Variants in FAAH2 observed in about 807,000 individuals in gnomAD.
The protein encoded by FAAH2 is fatty-acid amide hydrolase 2.
Under a neutral mutation model 36.9 loss-of-function variants are expected in FAAH2, and 60 were observed. The ratio of observed to expected loss-of-function variants is 1.63; its 90% CI spans 1.32 to 2.02. The LOEUF (loss-of-function observed/expected upper bound fraction) is 2.02. Ranked by LOEUF, FAAH2 falls within the 30% of genes most tolerant of loss-of-function variation. FAAH2 has a pLI of 0.00. For missense variants in FAAH2, 689 were observed against 397.5 expected (o/e 1.73, Z -6.23); for synonymous variants, 214 against 143.8 (o/e 1.49, Z -3.49).
intron 7 of FAAH2, among the ~76,000 whole-genome samples, chrX:57,405,892 G>A (rs557909217): frequency 2.8e-5 from 3 of 105,927 alleles, no homozygotes; most frequent in African/African-American, 1.0e-4. Context: ...ACTTTCTCTT[G>A]AATCTAATTG....
Position 57,480,079 on chromosome X carries a change from G to C in FAAH2, c.1424-8678G>C, listed in dbSNP as rs1440254180. Among the ~76,000 whole-genome samples the C allele has an allele frequency of 2.7e-5, 3 of 111,358 alleles. No individual in the cohort carries two copies. The East Asian group carries it at 8.5e-4, about 31-fold the overall frequency. On this transcript the variant is annotated intron_variant, in intron 10 of 10. Coordinates refer to ENST00000374900, the MANE Select transcript of FAAH2 (RefSeq NM_174912.4). ...TAAACCAGGAAGAAGTTGACTCTCT[G>C]AATAGACCAATAACAGGCTCTGAAA...
intron 7 of FAAH2, chrX:57,392,582 G>A: frequency 1.2e-6 from 1 of 812,480 alleles, no homozygotes; most frequent in East Asian, 3.2e-5. Context: ...ACTCCCAGTG[G>A]GCCTGAATAG....
At chrX:57,292,696 C>T in intron 2 of FAAH2, 116 bp downstream of exon 2, 1 of 543,329 alleles carries the variant, frequency 1.8e-6, no homozygotes, top group Non-Finnish European at 2.8e-6. Context: ...TTCCCTTGTT[C>T]TCACTGGGAA....
At chrX:57,440,435 T>A (rs1420650626) in intron 8 of FAAH2, among the ~76,000 whole-genome samples, 2 of 111,303 alleles carry the variant, frequency 1.8e-5, no homozygotes, top group Admixed American at 9.6e-5. Context: ...TGCTTGTGAT[T>A]TTTGCGCATT....
chrX:57,288,646 G>A (rs962865750), intron 1 of FAAH2, among the ~76,000 whole-genome samples: 19 of 110,242 alleles, frequency 1.7e-4, no homozygotes, highest in African/African-American at 6.3e-4. Flanking sequence ...CACTGCGCCC[G>A]GCCTTAAAAG....
At chrX:57,434,023 A>C (rs1245886563) in intron 8 of FAAH2, among the ~76,000 whole-genome samples, 5 of 111,743 alleles carry the variant, frequency 4.5e-5, no homozygotes, top group Non-Finnish European at 7.5e-5. Context: ...GAAATCTTCA[A>C]AATGCCAGAT....
chrX:57,427,005 C>G (rs2056178313), intron 7 of FAAH2, among the ~76,000 whole-genome samples: 1 of 110,224 alleles, frequency 9.1e-6, no homozygotes, highest in African/African-American at 3.3e-5. Context: ...CTAGAATAAC[C>G]ATGAGAAGAA....
chrX:57,272,758 C>T, the FAAH2 span, among the ~76,000 whole-genome samples: 2 of 112,103 alleles, frequency 1.8e-5, no homozygotes. Context: ...GAAGTGAGCA[C>T]TAAACATGGA....
At chrX:57,181,038 A>C in the FAAH2 span, among the ~76,000 whole-genome samples, 2 of 111,953 alleles carry the variant, frequency 1.8e-5, no homozygotes, top group Non-Finnish European at 3.8e-5. Flanking sequence ...CCAGATAATC[A>C]TCTCAATAGA....
chrX:57,353,971 G>A (rs1389003536), intron 5 of FAAH2, among the ~76,000 whole-genome samples: 1 of 110,554 alleles, frequency 9.0e-6, no homozygotes, highest in African/African-American at 3.3e-5. Flanking sequence ...AGGATTTGGA[G>A]ACAAGGAAAT....
intron 10 of FAAH2, among the ~76,000 whole-genome samples, chrX:57,460,113 G>T (rs2056931995): frequency 9.0e-6 from 1 of 111,262 alleles, no homozygotes; most frequent in African/African-American, 3.3e-5. Flanking sequence ...AGAGAAAAAA[G>T]AATGAAAAGG....
chrX:57,306,484 C>T (rs73515100), intron 2 of FAAH2, among the ~76,000 whole-genome samples: 233 of 109,919 alleles, frequency 2.1e-3, no homozygotes, highest in African/African-American at 7.4e-3. Flanking sequence ...GACATTTGAA[C>T]AACTAGACCC....
intron 7 of FAAH2, chrX:57,394,244 A>T: frequency 1.3e-6 from 1 of 741,140 alleles, no homozygotes; most frequent in Non-Finnish European, 2.1e-6. Flanking sequence ...GTTCTGGTAA[A>T]GATGGGCAAG....
chrX:57,346,059 G>T lies in FAAH2; in HGVS notation c.742+4669G>T, dbSNP rs765887938. 6.3e-5 allele frequency among the ~76,000 whole-genome samples: 7 copies of T among 111,219 alleles called. No individual in the cohort carries two copies. The South Asian group carries it at 2.6e-3, about 42-fold the overall frequency. On this transcript the variant is annotated intron_variant, in intron 5 of 10. Transcript: ENST00000374900. ...ATGACCAAACTTGTGGTCAATCTTA[G>T]AATACATTCCTTGTGCAGATGAGAG...
chrX:57,233,593 A>T, the FAAH2 span, among the ~76,000 whole-genome samples: 1 of 111,359 alleles, frequency 9.0e-6, no homozygotes, highest in Non-Finnish European at 1.9e-5. Context: ...ATAACATTGG[A>T]TGGAGTCCTT....
intron 7 of FAAH2, among the ~76,000 whole-genome samples, chrX:57,412,843 C>CT (rs1233539475): frequency 7.1e-5 from 8 of 112,014 alleles, no homozygotes; most frequent in Non-Finnish European, 1.1e-4. Context: ...CCAACCAACA[C>CT]TGTAAAAGCG....
chrX:57,481,829 A>T (rs1014667042), intron 10 of FAAH2, among the ~76,000 whole-genome samples: 1 of 112,007 alleles, frequency 8.9e-6, no homozygotes, highest in East Asian at 2.8e-4. Flanking sequence ...GGCCAGAATG[A>T]TGAAATCCGC....
At chrX:57,324,074 C>A (rs1180208348) in intron 3 of FAAH2, among the ~76,000 whole-genome samples, 1 of 111,790 alleles carries the variant, frequency 8.9e-6, no homozygotes, top group African/African-American at 3.3e-5. Context: ...GCCAGTTTTC[C>A]CAGCACCATT....
At chrX:57,149,802 C>G in the FAAH2 span, among the ~76,000 whole-genome samples, 1 of 111,298 alleles carries the variant, frequency 9.0e-6, no homozygotes, top group Non-Finnish European at 1.9e-5. Flanking sequence ...CTTCTGCCAG[C>G]TTTTGAATGT....
Sources: allele counts gnomAD v4.1 joint callset (sites outside exome capture counted in the v4.1 genomes callset), GRCh38; gene constraint gnomAD v4.1.1; transcripts MANE v1.5; gene names NCBI Gene and HGNC (gene_info 2026-07-23, HGNC 2026-07-21).